The following ERC2 variants were observed in gnomAD, a reference collection of about 807,000 sequenced individuals.
ERC2 encodes ELKS/RAB6-interacting/CAST family member 2, also known as ERC protein 2.
ERC2 carries 42 observed loss-of-function variants against 114.8 expected under a neutral mutation model. The ratio of observed to expected loss-of-function variants is 0.37; its 90% confidence interval spans 0.29 to 0.47. ERC2 has a LOEUF of 0.47. Ranked by LOEUF, ERC2 falls within the 20% of genes least tolerant of loss-of-function variation. The pLI, the probability that ERC2 is intolerant of heterozygous loss-of-function variation, is 0.99. For missense variants in ERC2, 939 were observed against 1,150.7 expected (o/e 0.82, Z 2.66); for synonymous variants, 454 against 425.5 (o/e 1.07, Z -0.82).
At chr3:56,065,662 T>C (rs2076441015) in intron 7 of ERC2, among the ~76,000 whole-genome samples, 2 of 152,034 alleles carry the variant, frequency 1.3e-5, no homozygotes, top group African/African-American at 2.4e-5. Flanking sequence ...CAGTGTGCAT[T>C]AGCTATTTTT....
chr3:55,860,677 AT>A (rs1363336653), intron 14 of ERC2, among the ~76,000 whole-genome samples: 1 of 152,158 alleles, frequency 6.6e-6, no homozygotes, highest in Non-Finnish European at 1.5e-5. Context: ...TCCCCTGCTA[AT>A]GAGGTAAGAG....
At chr3:56,462,104 T>C (rs1355282464) in intron 1 of ERC2, among the ~76,000 whole-genome samples, 1 of 152,122 alleles carries the variant, frequency 6.6e-6, no homozygotes, top group Non-Finnish European at 1.5e-5. Flanking sequence ...CAGACCAAAG[T>C]CATTTAATAC....
intron 2 of ERC2, among the ~76,000 whole-genome samples, chr3:56,325,196 G>C (rs905108325): frequency 6.6e-6 from 1 of 152,082 alleles, no homozygotes; most frequent in East Asian, 1.9e-4. Context: ...TGTAATCCCA[G>C]CACTTTGGGA....
At chr3:56,040,646 A>G (rs1164063284) in intron 7 of ERC2, among the ~76,000 whole-genome samples, 1 of 37,778 alleles carries the variant, frequency 2.6e-5, no homozygotes, top group Non-Finnish European at 5.5e-5. Context: ...ACATATATAG[A>G]TGTATATGTA....
chr3:56,095,661 A>G (rs763913544), intron 6 of ERC2, among the ~76,000 whole-genome samples: 1 of 152,192 alleles, frequency 6.6e-6, no homozygotes, highest in Non-Finnish European at 1.5e-5. Context: ...TAAACTAACC[A>G]AGGAATCCCA....
chr3:56,279,732 G>C (rs2150317627), intron 3 of ERC2, among the ~76,000 whole-genome samples: 1 of 152,326 alleles, frequency 6.6e-6, no homozygotes, highest in Admixed American at 6.5e-5. Context: ...AGAGTAGCAT[G>C]AAGAATGAAC....
intron 14 of ERC2, among the ~76,000 whole-genome samples, chr3:55,848,926 GT>G (rs1180346789): frequency 1.3e-5 from 2 of 152,278 alleles, no homozygotes; most frequent in African/African-American, 4.8e-5. Flanking sequence ...AGTGGAGGCA[GT>G]TTTTTTGTTG....
At chr3:55,590,612 C>T (rs2057826523) in intron 17 of ERC2, among the ~76,000 whole-genome samples, 1 of 152,196 alleles carries the variant, frequency 6.6e-6, no homozygotes, top group Non-Finnish European at 1.5e-5. Flanking sequence ...GATACAGTAT[C>T]AAGCCAACTG....
chr3:56,318,763 G>A (rs1254055949), intron 2 of ERC2, among the ~76,000 whole-genome samples: 4 of 151,118 alleles, frequency 2.6e-5, no homozygotes, highest in East Asian at 1.9e-4. Context: ...ATCATTTCAC[G>A]TCTATTAGGA....
chr3:55,753,151 G>A (rs1232924904), intron 14 of ERC2, among the ~76,000 whole-genome samples: 2 of 152,150 alleles, frequency 1.3e-5, no homozygotes, highest in East Asian at 3.9e-4. Context: ...CAGATCACAT[G>A]GTTGCTCCTG....
chr3:55,561,796 CT>C (rs1465895267), intron 17 of ERC2, among the ~76,000 whole-genome samples: 1 of 152,114 alleles, frequency 6.6e-6, no homozygotes, highest in Non-Finnish European at 1.5e-5. Context: ...GTGAGCAGAC[CT>C]GGTCTATTAA....
At chr3:56,016,578 A>C (rs2073327155) in intron 8 of ERC2, among the ~76,000 whole-genome samples, 1 of 152,060 alleles carries the variant, frequency 6.6e-6, no homozygotes, top group African/African-American at 2.4e-5. Flanking sequence ...GCAGATTCCC[A>C]GGCCCTATGA....
At chr3:56,304,368 A>G (rs899354815) in intron 2 of ERC2, among the ~76,000 whole-genome samples, 5 of 152,268 alleles carry the variant, frequency 3.3e-5, no homozygotes, top group African/African-American at 9.6e-5. Context: ...ACGACTAGTC[A>G]TATCTTACAT....
chr3:56,437,839 A>G (rs184290726), intron 1 of ERC2, among the ~76,000 whole-genome samples: 1 of 152,318 alleles, frequency 6.6e-6, no homozygotes, highest in African/African-American at 2.4e-5. Flanking sequence ...AATAAGACAG[A>G]AAGATGTTCA....
chr3:56,363,803 A>AAGGG (rs200671834), intron 2 of ERC2, among the ~76,000 whole-genome samples: 1 of 136,852 alleles, frequency 7.3e-6, no homozygotes, highest in African/African-American at 2.7e-5. Flanking sequence ...AAGAGGGAAG[A>AAGGG]AGGGAGGGAG....
rs147233354 is a variant in ERC2 at position 56,002,064 on chromosome 3, G to A, written c.2061+5117C>T. Among the ~76,000 whole-genome samples the A allele has an allele frequency of 2.7e-3, 405 of 152,170 alleles. 5 individuals carry two copies. The highest frequency in any genetic ancestry group is 9.2e-3 in the African/African-American group (383 of 41,522). ...CTAAAATCTGCATTTTGAAAAAGAG[G>A]TTAACAAAGATGCTCCAGCAGGGTT... On this transcript the variant is annotated intron_variant, in intron 10 of 17. Transcript: ENST00000288221.
chr3:55,920,415 A>AACACACACACACAC (rs10560997), intron 13 of ERC2, among the ~76,000 whole-genome samples: 287 of 146,826 alleles, frequency 2.0e-3, no homozygotes, highest in Middle Eastern at 3.5e-3. Flanking sequence ...GGCACACTAA[A>AACACACACACACAC]ACACACACAC....
intron 2 of ERC2, among the ~76,000 whole-genome samples, chr3:56,317,471 T>G (rs755944651): frequency 1.3e-5 from 2 of 152,172 alleles, no homozygotes; most frequent in African/African-American, 2.4e-5. Flanking sequence ...ATGGAGTGTT[T>G]AGCACCACAT....
At chr3:55,839,514 A>C (rs944539381) in intron 14 of ERC2, among the ~76,000 whole-genome samples, 1 of 151,936 alleles carries the variant, frequency 6.6e-6, no homozygotes, top group Non-Finnish European at 1.5e-5. Context: ...GTTAATAACA[A>C]AAATTAAAAT....
Sources: allele counts gnomAD v4.1 joint callset (sites outside exome capture counted in the v4.1 genomes callset), GRCh38; gene constraint gnomAD v4.1.1; transcripts MANE v1.5; gene names NCBI Gene and HGNC (gene_info 2026-07-23, HGNC 2026-07-21).